Variants in PALS1 observed in about 807,000 individuals in gnomAD.
PALS1 encodes protein PALS1.
Under a neutral mutation model 78.9 loss-of-function variants are expected in PALS1, and 31 were observed. The observed-to-expected ratio is 0.39, with a 90% CI of 0.30 to 0.53. The LOEUF is 0.53. Among genes scored for constraint, PALS1 ranks in the 20% least tolerant of loss-of-function variants. The pLI is 0.67. For missense variants in PALS1, 704 were observed against 826.5 expected (o/e 0.85, Z 1.82); for synonymous variants, 276 against 270.9 (o/e 1.02, Z -0.18).
In PALS1 at chr14:67,285,066, T is replaced by C. The variant is rs557910216; in HGVS notation, c.367+5529T>C. Among the ~76,000 whole-genome samples the C allele has an allele frequency of 9.2e-5, 14 of 152,286 alleles. 1 individual carries two copies. In the South Asian group the frequency reaches 2.7e-3, roughly 29 times the overall value. ...ACAATTTTAATTCCACAGGTAGATG[T>C]ACTGGAAACTGATGTAATTTCCTCC... On this transcript the variant is annotated intron_variant, in intron 3 of 14. Coordinates refer to ENST00000261681, the MANE Select transcript of PALS1 (RefSeq NM_022474.4).
At chr14:67,272,633 C>T (rs951949425) in intron 2 of PALS1, among the ~76,000 whole-genome samples, 1 of 152,074 alleles carries the variant, frequency 6.6e-6, no homozygotes, top group African/African-American at 2.4e-5. Context: ...GAAGTAGATA[C>T]TAAGTTCTAC....
At chr14:67,321,374 G>C in intron 13 of PALS1, 115 bp downstream of exon 13, 1 of 934,836 alleles carries the variant, frequency 1.1e-6, no homozygotes, top group East Asian at 2.4e-5. Flanking sequence ...GTTCTCATAC[G>C]GTTTTTCCCA....
intron 14 of PALS1, among the ~76,000 whole-genome samples, chr14:67,324,483 G>A (rs1342721185): frequency 6.6e-6 from 1 of 151,988 alleles, no homozygotes; most frequent in Non-Finnish European, 1.5e-5. Context: ...CACTCAGATT[G>A]CCTCATTTCA....
chr14:67,324,881 G>A (rs528058808), intron 14 of PALS1, among the ~76,000 whole-genome samples: 7 of 145,738 alleles, frequency 4.8e-5, no homozygotes, highest in East Asian at 2.1e-4. Context: ...AAGCTACCAC[G>A]CCCAGCCTTC....
intron 4 of PALS1, among the ~76,000 whole-genome samples, chr14:67,298,254 A>G (rs2084884917): frequency 1.3e-5 from 2 of 152,184 alleles, no homozygotes; most frequent in Non-Finnish European, 2.9e-5. Context: ...ATTTATTAGT[A>G]TCAAGTCAAA....
rs78060152 is a variant in PALS1, at chr14:67,322,486, C to T, written c.1741-1216C>T. On this transcript the variant is annotated intron_variant, in intron 13 of 14. Transcript: ENST00000261681. ...CCTTAATGTGGTAGAATCTGCTGCTCATGTCAAATTAGGCAACATAGTCAG... is the reference window on the plus strand; with the variant it reads ...CCTTAATGTGGTAGAATCTGCTGCTTATGTCAAATTAGGCAACATAGTCAG... 4.4e-3 allele frequency among the ~76,000 whole-genome samples: 668 copies of T among 152,230 alleles called. 19 individuals are homozygous for T. In the East Asian group the frequency reaches 0.06, roughly 14 times the overall value.
At chr14:67,270,320 T>C (rs1452341787) in intron 2 of PALS1, 1 of 152,238 alleles carries the variant, frequency 6.6e-6, no homozygotes, top group East Asian at 1.9e-4. Context: ...AAATTTTTCT[T>C]GCTTTGTGGA....
At chr14:67,246,649 GTT>G (rs71129814) in intron 1 of PALS1, among the ~76,000 whole-genome samples, 4 of 112,194 alleles carry the variant, frequency 3.6e-5, no homozygotes, top group African/African-American at 6.8e-5. Context: ...CCTACTATAG[GTT>G]TTTTTTTTTT....
intron 13 of PALS1, 49 bp downstream of exon 13, chr14:67,321,308 ATAGAG>A (rs1309345840): frequency 2.5e-6 from 4 of 1,574,980 alleles, no homozygotes; most frequent in South Asian, 1.1e-5. Context: ...GGAATGTCAT[ATAGAG>A]TAATCTAGTG....
chr14:67,298,335 G>T (rs527686712), intron 4 of PALS1, among the ~76,000 whole-genome samples: 1 of 152,070 alleles, frequency 6.6e-6, no homozygotes, highest in South Asian at 2.1e-4. Flanking sequence ...CCAACATGGT[G>T]AAACCCTGTC....
chr14:67,325,195 A>G (rs950407703), intron 14 of PALS1, among the ~76,000 whole-genome samples: 4 of 152,076 alleles, frequency 2.6e-5, no homozygotes, highest in South Asian at 2.1e-4. Context: ...GTGAGCCACC[A>G]GGCCCAGCCT....
intron 1 of PALS1, among the ~76,000 whole-genome samples, chr14:67,250,553 T>G (rs983513730): frequency 1.3e-5 from 2 of 152,202 alleles, no homozygotes; most frequent in Non-Finnish European, 2.9e-5. Flanking sequence ...ACAGATTGTT[T>G]TGTGATTCTG....
intron 2 of PALS1, chr14:67,271,733 T>C (rs897837047): frequency 1.3e-5 from 2 of 152,216 alleles, no homozygotes; most frequent in African/African-American, 2.4e-5. Context: ...AATATGAGTT[T>C]AATTTTGGAC....
intron 3 of PALS1, among the ~76,000 whole-genome samples, chr14:67,289,194 C>G (rs564585481): frequency 6.6e-6 from 1 of 152,196 alleles, no homozygotes; most frequent in Non-Finnish European, 1.5e-5. Flanking sequence ...TCTCAAACTC[C>G]TGACTTCGTG....
In PALS1 at chr14:67,333,317, A is replaced by G. The variant is rs1304772363; in HGVS notation, c.*361A>G. 1 of 166,898 alleles carries G rather than the reference A, an allele frequency of 6.0e-6. No individual in the cohort carries two copies. 10.3% of individuals were successfully genotyped at this position (166,898 alleles called of 1,614,324 possible). ...TACACAAGCGTCCATGTCTCACACA[A>G]ATATTGATGTGATTATTCTTAAGTG... is the stretch of plus-strand genomic sequence containing the variant. On this transcript the variant is annotated 3_prime_UTR_variant, in exon 15 of 15. Transcript: ENST00000261681.
chr14:67,293,498 G>T (rs1349758308), intron 4 of PALS1, among the ~76,000 whole-genome samples: 1 of 152,244 alleles, frequency 6.6e-6, no homozygotes, highest in Admixed American at 6.5e-5. Flanking sequence ...TATAAAATAG[G>T]TTAGAAGGTA....
intron 8 of PALS1, among the ~76,000 whole-genome samples, chr14:67,305,862 T>C (rs1006937499): frequency 6.6e-6 from 1 of 152,216 alleles, no homozygotes; most frequent in Non-Finnish European, 1.5e-5. Context: ...CAAAGGAATA[T>C]AGGTTCATGG....
chr14:67,288,506 G>A (rs1057297584), intron 3 of PALS1, among the ~76,000 whole-genome samples: 2 of 152,130 alleles, frequency 1.3e-5, no homozygotes, highest in Admixed American at 6.6e-5. Flanking sequence ...CCATCTTTAC[G>A]AAGAAAATTG....
chr14:67,321,291 C>G, intron 13 of PALS1, 32 bp downstream of exon 13: 2 of 1,604,274 alleles, frequency 1.2e-6, no homozygotes, highest in Non-Finnish European at 1.7e-6. Context: ...AGGGTTTGAA[C>G]TTAGAAGGAA....
Sources: allele counts gnomAD v4.1 joint callset (sites outside exome capture counted in the v4.1 genomes callset), GRCh38; gene constraint gnomAD v4.1.1; transcripts MANE v1.5; gene names NCBI Gene and HGNC (gene_info 2026-07-23, HGNC 2026-07-21).